USP9X: variants seen among roughly 807,000 people sequenced by gnomAD.
USP9X encodes the protein ubiquitin specific peptidase 9 X-linked.
Under a neutral mutation model 190.3 loss-of-function variants are expected in USP9X, and 7 were observed. The ratio of observed to expected loss-of-function variants is 0.04; its 90% CI spans 0.02 to 0.07. USP9X has a LOEUF of 0.07. USP9X is among the 10% of genes least tolerant of loss of function. USP9X has a pLI of 1.00. For synonymous variants in USP9X, 645 were observed against 659.5 expected, an observed-to-expected ratio of 0.98 and a Z score of 0.34; for missense variants, 1,010 against 1,916.9, an observed-to-expected ratio of 0.53 and a Z score of 8.83.
chrX:41,208,414 C>G (rs1005485866), intron 32 of USP9X, among the ~76,000 whole-genome samples: 1 of 111,939 alleles, frequency 8.9e-6, no homozygotes, highest in Non-Finnish European at 1.9e-5. Context: ...TTCAGTTACT[C>G]GCTGTGCTAG....
intron 1 of USP9X, among the ~76,000 whole-genome samples, chrX:41,091,850 C>T (rs1047052882): frequency 8.9e-6 from 1 of 111,815 alleles, no homozygotes; most frequent in Admixed American, 9.5e-5. Flanking sequence ...TTATTAAATT[C>T]TCTGTAGTCA....
chrX:41,221,529 G>A (rs986099123), intron 38 of USP9X, among the ~76,000 whole-genome samples: 1 of 111,561 alleles, frequency 9.0e-6, no homozygotes, highest in African/African-American at 3.3e-5. Flanking sequence ...GGTTAGTTGA[G>A]CTTTCCATCT....
intron 1 of USP9X, among the ~76,000 whole-genome samples, chrX:41,095,446 A>G (rs770863072): frequency 1.8e-5 from 2 of 112,455 alleles, no homozygotes; most frequent in Non-Finnish European, 3.8e-5. Flanking sequence ...GCTTCTACCC[A>G]CAAGATGCCA....
chrX:41,123,706 C>T lies in USP9X; in HGVS notation c.78C>T (p.Pro26=), dbSNP rs373177162. ...AGGCTCCTGATGGACAGTCTCAGCC[C>T]CCCCTCCAACAGAATCAGGTAGGAT... ...QGQAPDGQSQ[P]PLQQNQTSSP... is the part of the protein sequence containing the mutation. Residue 26 remains proline (P), a synonymous_variant, in exon 2 of 45, where the codon CCC becomes CCT. Coordinates refer to ENST00000378308, the MANE Select transcript of USP9X (RefSeq NM_001039591.3). 4.1e-6 allele frequency: 5 copies of T among 1,209,398 alleles called. No individual in the cohort carries two copies. The highest frequency in any genetic ancestry group is 4.4e-5 in the Admixed American group (2 of 45,713).
rs745821810 is a variant in USP9X, at chrX:41,190,499, A to G, written c.3977+1024A>G. ...GGCGTGCTACCTCCTTGAGAAGACAATCCTGCACGTTGGAAAAGATAAATA... is the reference window on the plus strand; with the variant it reads ...GGCGTGCTACCTCCTTGAGAAGACAGTCCTGCACGTTGGAAAAGATAAATA... On this transcript the variant is annotated intron_variant, in intron 26 of 44. Transcript: ENST00000378308. Among the ~76,000 whole-genome samples the G allele has an allele frequency of 1.9e-4, 21 of 111,501 alleles. No homozygotes were observed. In the East Asian group the frequency reaches 2.0e-3, roughly 10 times the overall value.
intron 31 of USP9X, 127 bp from the exon 32 acceptor site, chrX:41,205,176 T>C: frequency 1.9e-6 from 1 of 523,710 alleles, no homozygotes; most frequent in African/African-American, 2.4e-5. Context: ...TAAAAATTTA[T>C]AAATTGAAAA....
intron 26 of USP9X, among the ~76,000 whole-genome samples, chrX:41,194,821 C>T (rs957722164): frequency 6.3e-5 from 7 of 110,860 alleles, no homozygotes; most frequent in African/African-American, 2.0e-4. Context: ...TCCTCTTATA[C>T]GCCAGACACT....
At chrX:41,232,219 TTTTTTGTTTTTG>T (rs56699343) in intron 44 of USP9X, among the ~76,000 whole-genome samples, 156 bp from the exon 45 acceptor site, 2 of 103,075 alleles carry the variant, frequency 1.9e-5, no homozygotes, top group African/African-American at 7.1e-5. Context: ...TTTCAAGCCT[TTTTTTGTTTTTG>T]TTTTTGTTTT....
intron 1 of USP9X, among the ~76,000 whole-genome samples, chrX:41,098,404 T>C (rs2062008840): frequency 9.0e-6 from 1 of 110,807 alleles, no homozygotes; most frequent in South Asian, 3.8e-4. Context: ...CCTCCCAAAG[T>C]GCAGGGATTA....
At chrX:41,094,712 G>A (rs1383713669) in intron 1 of USP9X, among the ~76,000 whole-genome samples, 1 of 110,205 alleles carries the variant, frequency 9.1e-6, no homozygotes, top group Admixed American at 9.7e-5. Flanking sequence ...GGAATATTTG[G>A]AATATTACTT....
At chrX:41,089,991 C>T (rs2061944006) in intron 1 of USP9X, among the ~76,000 whole-genome samples, 1 of 100,263 alleles carries the variant, frequency 1.0e-5, no homozygotes, top group African/African-American at 3.7e-5. Flanking sequence ...GCAGCCTCCA[C>T]CTCTCCTGGG....
Position 41,136,797 on chromosome X carries a change from A to G in USP9X, c.436-7A>G, listed in dbSNP as rs773752771. ...CTTGTAAATCGCCTTTCCCCCTTGT[A>G]TAACAGAGGTGTATTATTAACAATA... On this transcript the variant is annotated splice_polypyrimidine_tract_variant and splice_region_variant and intron_variant, in intron 5 of 44. Transcript: ENST00000378308. The G allele has an allele frequency of 1.3e-5, 15 of 1,194,351 alleles. No homozygotes were observed. The South Asian group carries it at 2.5e-4, about 20-fold the overall frequency.
rs2062449169 is a variant in USP9X, at chrX:41,144,555, C to T, written c.1348C>T (p.His450Tyr). Residue 450 changes from histidine to tyrosine, a missense_variant, in exon 11 of 45, where the codon CAT (histidine) becomes TAT (tyrosine). Coordinates refer to ENST00000378308, the MANE Select transcript of USP9X (RefSeq NM_001039591.3). Reference sequence around the variant, plus strand: ...ACATGAAGCCATTGTGAAGAATGTACATGATCTCCTGGCAAAATTGGCATG... The same window carrying T: ...ACATGAAGCCATTGTGAAGAATGTATATGATCTCCTGGCAAAATTGGCATG... ...GKHEAIVKNV[H>Y]DLLAKLAWDF... 1 of 1,210,564 alleles carries T rather than the reference C, an allele frequency of 8.3e-7. No individual in the cohort carries two copies. Among genetic ancestry groups the T allele is most frequent in the Non-Finnish European group, 1.1e-6 (1 of 894,811 alleles).
chrX:41,223,196 C>T, intron 38 of USP9X, 21 bp from the exon 39 acceptor site: 2 of 1,200,682 alleles, frequency 1.7e-6, no homozygotes, highest in Non-Finnish European at 2.2e-6. Context: ...TTCTTCTCCC[C>T]TTCACTCCTT....
At chrX:41,142,974 G>A (rs1313659197) in intron 9 of USP9X, among the ~76,000 whole-genome samples, 1 of 111,631 alleles carries the variant, frequency 9.0e-6, no homozygotes, top group African/African-American at 3.3e-5. Flanking sequence ...TTGGGATAAA[G>A]AATCCAAAGA....
chrX:41,119,843 A>T (rs2062176723), intron 1 of USP9X, among the ~76,000 whole-genome samples: 1 of 112,196 alleles, frequency 8.9e-6, no homozygotes, highest in Non-Finnish European at 1.9e-5. Flanking sequence ...AAAGAAAATA[A>T]TCATTCACAT....
intron 3 of USP9X, among the ~76,000 whole-genome samples, chrX:41,130,478 TTTTTTTGTTTTTTG>T (rs1388124346): frequency 2.0e-5 from 2 of 99,184 alleles, no homozygotes; most frequent in African/African-American, 7.4e-5. Context: ...TTTTTCTTTT[TTTTTTTGTTTTTTG>T]TTTTTTGTTT....
chrX:41,134,710 C>T lies in USP9X; in HGVS notation c.323-15C>T, dbSNP rs879036838. 2 of 1,185,722 alleles carry T rather than the reference C, an allele frequency of 1.7e-6. No homozygotes were observed. The highest frequency in any genetic ancestry group is 3.5e-5 in the African/African-American group (2 of 56,812). On this transcript the variant is annotated splice_polypyrimidine_tract_variant and intron_variant, in intron 4 of 44. Coordinates refer to ENST00000378308, the MANE Select transcript of USP9X (RefSeq NM_001039591.3). Reference sequence around the variant, plus strand: ...GAACATTTTGTTTGCATTAATTTTTCTCCCTTTTTCTTAGGCCTTGATGTT... The same window carrying T: ...GAACATTTTGTTTGCATTAATTTTTTTCCCTTTTTCTTAGGCCTTGATGTT...
chrX:41,210,367 TC>T, intron 32 of USP9X, 141 bp from the exon 33 acceptor site: 1 of 582,451 alleles, frequency 1.7e-6, no homozygotes, highest in Non-Finnish European at 2.7e-6. Context: ...TCCTACTTTT[TC>T]CATGTAATTG....
Sources: allele counts gnomAD v4.1 joint callset (sites outside exome capture counted in the v4.1 genomes callset), GRCh38; gene constraint gnomAD v4.1.1; transcripts MANE v1.5; gene names NCBI Gene and HGNC (gene_info 2026-07-23, HGNC 2026-07-21).